RGS6: variants seen among roughly 807,000 people sequenced by gnomAD.
RGS6 encodes the protein regulator of G-protein signaling 6.
In RGS6, 30 loss-of-function variants were observed where a neutral mutation model predicts 78.5. That is an observed-to-expected ratio of 0.38 (90% CI 0.29 to 0.52). The LOEUF is 0.52. Among genes scored for constraint, RGS6 ranks in the 20% least tolerant of loss-of-function variants. The probability of loss-of-function intolerance (pLI) is 0.85; values close to 1 mark genes in which losing one functional copy is unlikely to be tolerated. For missense variants in RGS6, 495 were observed against 609.7 expected (o/e 0.81, Z 1.98); for synonymous variants, 206 against 206.0 (o/e 1.00, Z 0.00).
At position 72,098,849 on chromosome 14, in the gene RGS6, T is replaced by C. The variant is rs369775475; in HGVS notation, c.84+133974T>C. 1.1e-4 allele frequency among the ~76,000 whole-genome samples: 17 copies of C among 152,288 alleles called. No individual in the cohort carries two copies. The East Asian group carries it at 3.1e-3, about 28-fold the overall frequency. ...GGTAAGTTGTTCTAGAAAATGTCTATCATATGTGCTGCTGTACTGCTAAGT... is the reference window on the plus strand; with the variant it reads ...GGTAAGTTGTTCTAGAAAATGTCTACCATATGTGCTGCTGTACTGCTAAGT... On this transcript the variant is annotated intron_variant, in intron 2 of 17. Transcript: ENST00000553525.
chr14:72,577,685 C>A, the RGS6 span, among the ~76,000 whole-genome samples: 4 of 152,202 alleles, frequency 2.6e-5, no homozygotes, highest in Non-Finnish European at 4.4e-5. Flanking sequence ...TCAGGCAACT[C>A]AAGACTGCGT....
upstream of RGS6, among the ~76,000 whole-genome samples, chr14:71,929,542 T>TA (rs2087770741): frequency 6.6e-6 from 1 of 152,178 alleles, no homozygotes; most frequent in Non-Finnish European, 1.5e-5. Context: ...TCCCAAGTAT[T>TA]ACAGCTGCAT....
intron 2 of RGS6, among the ~76,000 whole-genome samples, chr14:72,147,171 C>T (rs186808839): frequency 6.1e-4 from 93 of 152,304 alleles, no homozygotes; most frequent in Non-Finnish European, 1.2e-3. Flanking sequence ...CCCTTAATGC[C>T]CCATTCATGA....
chr14:72,341,984 A>G (rs2239239), intron 2 of RGS6, among the ~76,000 whole-genome samples: 70,891 of 151,966 alleles, frequency 0.47, 16,886 homozygotes, highest in South Asian at 0.6. Flanking sequence ...TTCTTTGGAA[A>G]CAAGGTTATT....
intron 13 of RGS6, among the ~76,000 whole-genome samples, chr14:72,506,967 T>C (rs2096809656): frequency 9.3e-6 from 1 of 108,068 alleles, no homozygotes; most frequent in South Asian, 3.2e-4. Context: ...GCTAACACGG[T>C]GAAACCCTGT....
downstream of RGS6, among the ~76,000 whole-genome samples, chr14:72,569,446 G>A (rs563061657): frequency 4.6e-5 from 7 of 152,268 alleles, no homozygotes; most frequent in African/African-American, 1.4e-4. Flanking sequence ...TTGGGAGGCC[G>A]AGGTGGGCGG....
chr14:72,166,979 G>A (rs957916106), intron 2 of RGS6, among the ~76,000 whole-genome samples: 1 of 152,048 alleles, frequency 6.6e-6, no homozygotes, highest in Non-Finnish European at 1.5e-5. Flanking sequence ...TTAAATATTG[G>A]GCACTATTTT....
intron 7 of RGS6, among the ~76,000 whole-genome samples, chr14:72,467,790 G>C (rs1446002142): frequency 6.6e-6 from 1 of 152,138 alleles, no homozygotes; most frequent in Non-Finnish European, 1.5e-5. Context: ...CATCCTGGGA[G>C]CCCAGTCATG....
At chr14:72,572,578 A>G in the RGS6 span, among the ~76,000 whole-genome samples, 1 of 152,208 alleles carries the variant, frequency 6.6e-6, no homozygotes, top group Non-Finnish European at 1.5e-5. Context: ...TCCATTTACA[A>G]AGAATGTCCA....
chr14:72,462,946 T>C (rs1271648562), intron 6 of RGS6, among the ~76,000 whole-genome samples: 2 of 152,220 alleles, frequency 1.3e-5, no homozygotes, highest in African/African-American at 2.4e-5. Flanking sequence ...TTGAGGTACA[T>C]AATGATGTTG....
intron 3 of RGS6, among the ~76,000 whole-genome samples, chr14:72,363,032 T>C (rs1596294578): frequency 6.6e-6 from 1 of 152,284 alleles, no homozygotes; most frequent in Non-Finnish European, 1.5e-5. Context: ...AACACATTTA[T>C]GTGTGTATGT....
chr14:72,418,756 C>T (rs17115492), intron 3 of RGS6, among the ~76,000 whole-genome samples: 2,588 of 152,190 alleles, frequency 0.017, 69 homozygotes, highest in African/African-American at 0.056. Flanking sequence ...GTCCTTGAAT[C>T]GCAGCAGATA....
At chr14:72,098,722 G>T (rs1375621097) in intron 2 of RGS6, among the ~76,000 whole-genome samples, 1 of 152,228 alleles carries the variant, frequency 6.6e-6, no homozygotes, top group African/African-American at 2.4e-5. Context: ...TAACCAAGCA[G>T]TAACTATTCC....
intron 2 of RGS6, among the ~76,000 whole-genome samples, chr14:72,251,372 C>A (rs896303137): frequency 6.6e-6 from 1 of 152,104 alleles, no homozygotes; most frequent in Non-Finnish European, 1.5e-5. Flanking sequence ...TATTACAATT[C>A]TTTTAGAAAA....
intron 2 of RGS6, among the ~76,000 whole-genome samples, chr14:72,236,478 C>T (rs1381676467): frequency 6.6e-6 from 1 of 152,186 alleles, no homozygotes; most frequent in African/African-American, 2.4e-5. Context: ...AATGCATACA[C>T]CTGTGTAATG....
chr14:72,433,633 T>C (rs1262523067), intron 3 of RGS6, among the ~76,000 whole-genome samples: 1 of 152,152 alleles, frequency 6.6e-6, no homozygotes, highest in Non-Finnish European at 1.5e-5. Context: ...AATGGTCTTC[T>C]GTAGCTTTCA....
At chr14:72,033,236 T>A (rs569351250) in intron 2 of RGS6, among the ~76,000 whole-genome samples, 1 of 152,268 alleles carries the variant, frequency 6.6e-6, no homozygotes, top group East Asian at 1.9e-4. Context: ...GGTGGGTTTT[T>A]GATGTTGGTT....
At chr14:72,410,590 A>G (rs971784063) in intron 3 of RGS6, among the ~76,000 whole-genome samples, 4 of 152,110 alleles carry the variant, frequency 2.6e-5, no homozygotes, top group Non-Finnish European at 4.4e-5. Flanking sequence ...CCATTTGTCA[A>G]TTTTGGCTTT....
intron 2 of RGS6, among the ~76,000 whole-genome samples, chr14:72,013,817 T>G (rs2086378136): frequency 2.0e-5 from 3 of 152,076 alleles, no homozygotes; most frequent in Admixed American, 2.0e-4. Flanking sequence ...GCCTTCAGGC[T>G]TTTCTCCTGA....
Sources: allele counts gnomAD v4.1 joint callset (sites outside exome capture counted in the v4.1 genomes callset), GRCh38; gene constraint gnomAD v4.1.1; transcripts MANE v1.5; gene names NCBI Gene and HGNC (gene_info 2026-07-23, HGNC 2026-07-21).